Variants in CD28 observed in about 807,000 individuals in gnomAD.
CD28 encodes the protein CD28 molecule, also known as T-cell-specific surface glycoprotein CD28.
Under a neutral mutation model 21.4 loss-of-function variants are expected in CD28, and 8 were observed. The observed-to-expected ratio is 0.37, with a 90% CI of 0.22 to 0.68. CD28 has a LOEUF of 0.68. CD28 is among the 30% of genes least tolerant of loss of function. CD28 has a pLI of 0.55. For missense variants in CD28, 239 were observed against 272.2 expected, an observed-to-expected ratio of 0.88 and a Z score of 0.86; for synonymous variants, 106 against 104.0, an observed-to-expected ratio of 1.02 and a Z score of -0.12.
intron 1 of CD28, among the ~76,000 whole-genome samples, chr2:203,719,106 G>T (rs187789917): frequency 6.6e-6 from 1 of 152,166 alleles, no homozygotes; most frequent in Admixed American, 6.5e-5. Flanking sequence ...AATAAATTCA[G>T]TCTTGCTGAA....
At chr2:203,716,962 C>T (rs1432455624) in intron 1 of CD28, among the ~76,000 whole-genome samples, 1 of 152,136 alleles carries the variant, frequency 6.6e-6, no homozygotes, top group East Asian at 1.9e-4. Context: ...TCCCAAGGAG[C>T]TGGGACTACA....
At position 203,721,838 on chromosome 2, in the gene CD28, C is replaced by T. The variant is rs374502077; in HGVS notation, c.53-4795C>T. On this transcript the variant is annotated intron_variant, in intron 1 of 3. Transcript: ENST00000324106. ...ATTCATTTTTGGGAAATCAATTCTTCTCTCCCATGTGCATCTTAGGAACAT... is the reference window on the plus strand; with the variant it reads ...ATTCATTTTTGGGAAATCAATTCTTTTCTCCCATGTGCATCTTAGGAACAT... Among the ~76,000 whole-genome samples, 5 of 152,266 alleles carry T rather than the reference C, an allele frequency of 3.3e-5. No homozygotes were observed. In the South Asian group the frequency reaches 8.3e-4, roughly 25 times the overall value.
chr2:203,727,604 C>T (rs377035252), intron 2 of CD28, among the ~76,000 whole-genome samples: 1,822 of 142,366 alleles, frequency 0.013, 34 homozygotes, highest in African/African-American at 0.046. Context: ...CTCAGCCTCC[C>T]GATCAGCTGG....
intron 2 of CD28, among the ~76,000 whole-genome samples, chr2:203,727,430 T>TTTCCTTCCTTCG (rs1351755007): frequency 2.0e-5 from 2 of 98,818 alleles, no homozygotes; most frequent in Non-Finnish European, 4.0e-5. Flanking sequence ...CCATTTTCTT[T>TTTCCTTCCTTCG]TTCCTTCCTT....
chr2:203,732,486 T>C (rs1430362715), intron 3 of CD28, among the ~76,000 whole-genome samples: 6 of 152,216 alleles, frequency 3.9e-5, no homozygotes, highest in Non-Finnish European at 5.9e-5. Context: ...AGATAGTGTG[T>C]GTACAGGTAG....
At chr2:203,716,747 A>G (rs1370324273) in intron 1 of CD28, among the ~76,000 whole-genome samples, 1 of 152,224 alleles carries the variant, frequency 6.6e-6, no homozygotes, top group Non-Finnish European at 1.5e-5. Context: ...TGTCCTCTAC[A>G]TTATAGTGTC....
rs116310870 is a variant in CD28, at chr2:203,734,846, C to T, written c.597C>T (p.Pro199=). 7.0e-5 allele frequency: 113 copies of T among 1,614,202 alleles called. No individual in the cohort carries two copies. In the African/African-American group the frequency reaches 1.1e-3, roughly 15 times the overall value. ...ACATGAACATGACTCCCCGCCGCCC[C>T]GGGCCCACCCGCAAGCATTACCAGC... ...SDYMNMTPRR[P]GPTRKHYQPY... is the part of the protein sequence containing the mutation. The change falls in exon 4 of 4, where the codon CCC becomes CCT. Residue 199 remains proline, a synonymous_variant. Transcript: ENST00000324106.
At chr2:203,727,520 C>T (rs1277086666) in intron 2 of CD28, among the ~76,000 whole-genome samples, 2 of 150,488 alleles carry the variant, frequency 1.3e-5, no homozygotes, top group Admixed American at 6.6e-5. Context: ...CGCTCTGTCG[C>T]CCAGGCTGGA....
intron 3 of CD28, among the ~76,000 whole-genome samples, chr2:203,730,350 C>T (rs1047892715): frequency 2.0e-5 from 3 of 152,188 alleles, no homozygotes; most frequent in Non-Finnish European, 4.4e-5. Context: ...TGAGCTCTCA[C>T]CACTGAATTG....
chr2:203,715,850 C>T (rs551356594), intron 1 of CD28, among the ~76,000 whole-genome samples: 1 of 152,236 alleles, frequency 6.6e-6, no homozygotes, highest in South Asian at 2.1e-4. Flanking sequence ...TAAAACTGAG[C>T]ACCAATGCCT....
chr2:203,723,687 T>C (rs183598475), intron 1 of CD28, among the ~76,000 whole-genome samples: 4 of 152,254 alleles, frequency 2.6e-5, no homozygotes, highest in Non-Finnish European at 5.9e-5. Context: ...CAAACCATGA[T>C]GAGATATCAC....
intron 1 of CD28, among the ~76,000 whole-genome samples, chr2:203,721,568 A>G (rs1026790570): frequency 2.0e-5 from 3 of 151,736 alleles, no homozygotes; most frequent in Non-Finnish European, 2.9e-5. Flanking sequence ...ACCTCACCCC[A>G]GTCCCCAACA....
intron 3 of CD28, among the ~76,000 whole-genome samples, chr2:203,730,660 T>G (rs1693867523): frequency 6.6e-6 from 1 of 152,202 alleles, no homozygotes; most frequent in South Asian, 2.1e-4. Flanking sequence ...CTTGATAGTC[T>G]CCAAAAGACT....
intron 1 of CD28, among the ~76,000 whole-genome samples, chr2:203,720,479 G>A (rs1323236020): frequency 2.0e-5 from 3 of 152,180 alleles, no homozygotes; most frequent in Non-Finnish European, 2.9e-5. Context: ...CAGGGAAAGG[G>A]CTGGGTCTCC....
At position 203,736,008 on chromosome 2, in the gene CD28, AAACAACAACAACAAC is replaced by A. The variant is rs55817478; in HGVS notation, c.*1114_*1128del. The A allele has an allele frequency of 6.6e-6, 1 of 151,682 alleles. No homozygotes were observed. Among genetic ancestry groups the A allele is most frequent in the South Asian group, 2.1e-4 (1 of 4,796 alleles). The allele number at this position is 151,682 out of a possible 1,614,324, so 9.4% of individuals were successfully genotyped here. ...GGGCGACAGAGTGAGACTCCATCTC[AAACAACAACAACAAC>A]AACAACAACAACAACAAACCACAAA... On this transcript the variant is annotated 3_prime_UTR_variant, in exon 4 of 4. Transcript: ENST00000324106.
At chr2:203,715,669 A>G (rs1693444602) in intron 1 of CD28, among the ~76,000 whole-genome samples, 1 of 152,090 alleles carries the variant, frequency 6.6e-6, no homozygotes, top group Admixed American at 6.6e-5. Context: ...TCTATCCCCA[A>G]CTGGCTTCCT....
Position 203,734,852 on chromosome 2 carries a change from C to T in CD28, c.603C>T (p.Pro201=). The T allele has an allele frequency of 6.2e-7, 1 of 1,614,228 alleles. No individual in the cohort carries two copies. The highest frequency in any genetic ancestry group is 8.5e-7 in the Non-Finnish European group (1 of 1,180,040). ...YMNMTPRRPG[P]TRKHYQPYAP... ...ACATGACTCCCCGCCGCCCCGGGCCCACCCGCAAGCATTACCAGCCCTATG... is the reference window on the plus strand; with the variant it reads ...ACATGACTCCCCGCCGCCCCGGGCCTACCCGCAAGCATTACCAGCCCTATG... Residue 201 remains proline (P), a synonymous_variant, in exon 4 of 4, where the codon CCC becomes CCT. Transcript: ENST00000324106.
rs200379075 is a variant in CD28 at position 203,737,312 on chromosome 2, G to A, written c.*2400G>A. The A allele has an allele frequency of 8.5e-5, 13 of 152,180 alleles. No homozygotes were observed. Among genetic ancestry groups the A allele is most frequent in the Admixed American group, 8.5e-4 (13 of 15,276 alleles). 9.4% of individuals were successfully genotyped at this position (152,180 alleles called of 1,614,324 possible). On this transcript the variant is annotated 3_prime_UTR_variant, in exon 4 of 4. Coordinates refer to ENST00000324106, the MANE Select transcript of CD28 (RefSeq NM_006139.4). ...AGAACTGTTGGATTTACCCTGGCAC[G>A]TGTGCCACTTGCCAGCTTCTTGGGC...
chr2:203,722,927 G>A (rs1338527993), intron 1 of CD28, among the ~76,000 whole-genome samples: 1 of 152,206 alleles, frequency 6.6e-6, no homozygotes, highest in African/African-American at 2.4e-5. Flanking sequence ...AGGATAAGAA[G>A]TTAGTTTTCC....
Sources: gnomAD v4.1 joint callset for allele counts (sites outside exome capture counted in the v4.1 genomes callset) on GRCh38, gnomAD v4.1.1 for gene constraint, MANE v1.5 for transcripts, NCBI Gene and HGNC (gene_info 2026-07-23, HGNC 2026-07-21) for gene names.